HECW2: variants seen among roughly 807,000 people sequenced by gnomAD.
HECW2 encodes HECT, C2 and WW domain containing E3 ubiquitin protein ligase 2, also known as E3 ubiquitin-protein ligase HECW2.
Under a neutral mutation model 175.2 loss-of-function variants are expected in HECW2, and 61 were observed. That is an observed-to-expected ratio of 0.35 (90% CI 0.28 to 0.43). The LOEUF (loss-of-function observed/expected upper bound fraction) is 0.43, where lower values mean the gene tolerates loss of function less well. HECW2 is among the 20% of genes least tolerant of loss of function. The pLI, the probability that HECW2 is intolerant of heterozygous loss-of-function variation, is 1.00. For missense variants in HECW2, 1,524 were observed against 2,000.5 expected (o/e 0.76, Z 4.54); for synonymous variants, 671 against 731.0 (o/e 0.92, Z 1.32).
intron 2 of HECW2, among the ~76,000 whole-genome samples, chr2:196,398,725 T>A (rs547425694): frequency 1.3e-5 from 2 of 152,336 alleles, no homozygotes; most frequent in African/African-American, 4.8e-5. Flanking sequence ...ATACCTTGTA[T>A]CCCCATATCT....
In HECW2 at chr2:196,325,038, C is replaced by T. The variant is rs1233344840; in HGVS notation, c.683G>A (p.Gly228Glu). The T allele has an allele frequency of 1.2e-6, 2 of 1,611,182 alleles. No homozygotes were observed. Among genetic ancestry groups the T allele is most frequent in the Admixed American group, 3.4e-5 (2 of 59,570 alleles). ...KSSFPTCAHH[G>E]QERRSTIISN... Reference sequence around the variant, plus strand: ...GATGATAGTAGACCGTCTCTCCTGCCCGTGGTGGGCACAGGTGGGGAAACT... The same window carrying T: ...GATGATAGTAGACCGTCTCTCCTGCTCGTGGTGGGCACAGGTGGGGAAACT... Residue 228 changes from glycine to glutamate, a missense_variant, in exon 6 of 29, where the codon GGG (glycine) becomes GAG (glutamate). Gly to Glu is a moderately conservative substitution (Grantham distance 98). Around this residue, in one of 11 missense-constraint regions of HECW2, gnomAD observed 95 missense variants for 136.8 expected, o/e 0.69. Transcript: ENST00000644978.
At chr2:196,523,017 C>T (rs559294831) in intron 1 of HECW2, among the ~76,000 whole-genome samples, 7 of 150,080 alleles carry the variant, frequency 4.7e-5, no homozygotes, top group African/African-American at 7.4e-5. Context: ...CTGTGAAGAA[C>T]GTCATTGGTA....
intron 1 of HECW2, among the ~76,000 whole-genome samples, chr2:196,444,089 T>C (rs915688588): frequency 1.3e-5 from 2 of 152,204 alleles, no homozygotes; most frequent in African/African-American, 4.8e-5. Flanking sequence ...GTGGAATCAT[T>C]TCCTCTTACA....
At chr2:196,484,386 A>C (rs1409970301) in intron 1 of HECW2, among the ~76,000 whole-genome samples, 1 of 152,176 alleles carries the variant, frequency 6.6e-6, no homozygotes, top group Admixed American at 6.5e-5. Flanking sequence ...TTTCTTTAGA[A>C]TTTATGTTTA....
chr2:196,481,918 A>G (rs1306815989), intron 1 of HECW2, among the ~76,000 whole-genome samples: 1 of 152,162 alleles, frequency 6.6e-6, no homozygotes, highest in African/African-American at 2.4e-5. Flanking sequence ...CTCCCATCCC[A>G]TGGAAAGAAC....
chr2:196,510,921 TTTTG>T (rs1359921689), intron 1 of HECW2, among the ~76,000 whole-genome samples: 18 of 152,192 alleles, frequency 1.2e-4, no homozygotes, highest in East Asian at 9.7e-4. Context: ...AAATGGGAAT[TTTTG>T]TTTGTTTGGG....
At chr2:196,351,760 T>C (rs1693179048) in intron 2 of HECW2, among the ~76,000 whole-genome samples, 1 of 152,246 alleles carries the variant, frequency 6.6e-6, no homozygotes, top group African/African-American at 2.4e-5. Context: ...ATTGGAACCA[T>C]AAAGATGCTT....
intron 1 of HECW2, among the ~76,000 whole-genome samples, chr2:196,459,208 A>G (rs13016658): frequency 6.6e-6 from 1 of 152,232 alleles, no homozygotes; most frequent in Non-Finnish European, 1.5e-5. Context: ...CAGGGAAGGC[A>G]TCTTTGAGGC....
chr2:196,562,996 A>G (rs1196294398), intron 1 of HECW2, among the ~76,000 whole-genome samples: 1 of 152,118 alleles, frequency 6.6e-6, no homozygotes, highest in East Asian at 1.9e-4. Context: ...TGAGCCATGA[A>G]CGCACAATGT....
chr2:196,426,828 T>C (rs986431078), intron 2 of HECW2, among the ~76,000 whole-genome samples: 2 of 152,196 alleles, frequency 1.3e-5, no homozygotes, highest in African/African-American at 2.4e-5. Context: ...GCTTAAACTT[T>C]GGGATCTTAA....
intron 21 of HECW2, among the ~76,000 whole-genome samples, chr2:196,236,114 A>C (rs1031622234): frequency 2.0e-5 from 3 of 152,226 alleles, no homozygotes; most frequent in Admixed American, 1.3e-4. Flanking sequence ...AGTTGACATA[A>C]GCAACACAAA....
At chr2:196,225,630 A>C (rs1180301337) in intron 23 of HECW2, 142 bp downstream of exon 23, 2 of 556,642 alleles carry the variant, frequency 3.6e-6, no homozygotes, top group Non-Finnish European at 6.5e-6. Context: ...TTAGTTTCAG[A>C]AATCTAAACC....
At chr2:196,415,492 C>T (rs1271619579) in intron 2 of HECW2, among the ~76,000 whole-genome samples, 2 of 152,062 alleles carry the variant, frequency 1.3e-5, no homozygotes, top group Admixed American at 1.3e-4. Context: ...GGGACACTGG[C>T]TCTCTGAGGG....
chr2:196,338,547 T>C (rs191258106), intron 3 of HECW2, among the ~76,000 whole-genome samples: 11 of 152,302 alleles, frequency 7.2e-5, no homozygotes, highest in Non-Finnish European at 1.5e-4. Context: ...TGCAAAAAGG[T>C]TCTACAAGCC....
At chr2:196,560,811 A>G (rs1689974200) in intron 1 of HECW2, among the ~76,000 whole-genome samples, 2 of 152,322 alleles carry the variant, frequency 1.3e-5, no homozygotes, top group Admixed American at 6.5e-5. Context: ...ATGGACATTT[A>G]TCACTTCCCC....
chr2:196,380,043 A>G (rs1286716658), intron 2 of HECW2, among the ~76,000 whole-genome samples: 2 of 152,230 alleles, frequency 1.3e-5, no homozygotes, highest in Non-Finnish European at 2.9e-5. Context: ...CTTGTGTATA[A>G]TATTAAGCAT....
In HECW2 at chr2:196,325,091, C is replaced by T; in HGVS notation, c.630G>A (p.Lys210=). The T allele has an allele frequency of 6.2e-7, 1 of 1,612,578 alleles. No individual in the cohort carries two copies. Among genetic ancestry groups the T allele is most frequent in the Non-Finnish European group, 8.5e-7 (1 of 1,179,416 alleles). The change falls in exon 6 of 29, where the codon AAG becomes AAA. Residue 210 remains lysine, a synonymous_variant. Transcript: ENST00000644978. ...TCTTCTTTCCTGGCTGAATTGACAT[C>T]TTAAGATAAGGGTCAGGATTGAAGA... ...GMFFNPDPYL[K]MSIQPGKKSS... is the part of the protein sequence containing the mutation.
At chr2:196,584,975 T>C (rs1690921628) in intron 1 of HECW2, among the ~76,000 whole-genome samples, 1 of 152,196 alleles carries the variant, frequency 6.6e-6, no homozygotes, top group African/African-American at 2.4e-5. Flanking sequence ...CAAATATTAC[T>C]TCCTTAATTT....
chr2:196,561,503 C>T (rs955126003), intron 1 of HECW2, among the ~76,000 whole-genome samples: 4 of 152,176 alleles, frequency 2.6e-5, no homozygotes, highest in African/African-American at 7.2e-5. Context: ...ACACCCTATT[C>T]GTACACTCCC....
Sources: allele counts gnomAD v4.1 joint callset (sites outside exome capture counted in the v4.1 genomes callset), GRCh38; gene constraint gnomAD v4.1.1; regional missense constraint gnomAD v4.1.1; transcripts MANE v1.5; gene names NCBI Gene and HGNC (gene_info 2026-07-23, HGNC 2026-07-21).